ARHGEF10: variants seen among roughly 807,000 people sequenced by gnomAD.
ARHGEF10 encodes the protein Rho guanine nucleotide exchange factor (GEF) 10.
A neutral mutation model predicts 147.4 loss-of-function variants in ARHGEF10; 140 were observed. That is an observed-to-expected ratio of 0.95 (90% confidence interval 0.83 to 1.09). The LOEUF is 1.09. Ranked by LOEUF, ARHGEF10 falls within the 50% of genes least tolerant of loss-of-function variation. ARHGEF10 has a pLI of 0.00. For missense variants in ARHGEF10, 2,222 were observed against 1,752.7 expected (o/e 1.27, Z -4.78); for synonymous variants, 902 against 695.8 (o/e 1.30, Z -4.67).
intron 26 of ARHGEF10, among the ~76,000 whole-genome samples, chr8:1,939,268 C>T (rs1563315504): frequency 1.3e-5 from 2 of 152,258 alleles, no homozygotes; most frequent in Non-Finnish European, 2.9e-5. Flanking sequence ...AAGCCATGCC[C>T]AACATCAGTG....
chr8:1,860,540 C>T (rs1806043686), intron 4 of ARHGEF10, among the ~76,000 whole-genome samples: 2 of 152,084 alleles, frequency 1.3e-5, no homozygotes, highest in African/African-American at 4.8e-5. Flanking sequence ...CCACCCAGGT[C>T]ATTAGATGTT....
rs1245918133 is a variant in ARHGEF10 at position 1,889,247 on chromosome 8, G to T, written c.1182+3540G>T. Among the ~76,000 whole-genome samples, 4 of 116,348 alleles carry T rather than the reference G, an allele frequency of 3.4e-5. 1 individual carries two copies. Among genetic ancestry groups the T allele is most frequent in the Admixed American group, 8.3e-5 (1 of 12,084 alleles). The allele number at this position is 116,348 out of a possible 152,430, so 76.3% of individuals were successfully genotyped here. A position where few individuals can be genotyped will look rare whatever the true frequency, so the allele number is the denominator to read the frequency against. On this transcript the variant is annotated intron_variant, in intron 11 of 28. Coordinates refer to ENST00000349830, the MANE Select transcript of ARHGEF10 (RefSeq NM_014629.4). ...TGAGGGTTGTGAGGAGACATTGAGT[G>T]GGATGAGAGGTGTGAGGAGACACTG... is the stretch of plus-strand genomic sequence containing the variant.
At chr8:1,827,187 C>A (rs941024203) in intron 1 of ARHGEF10, among the ~76,000 whole-genome samples, 6 of 152,274 alleles carry the variant, frequency 3.9e-5, no homozygotes, top group Admixed American at 6.5e-5. Context: ...CGCTGATACA[C>A]ACACACTTCT....
intron 25 of ARHGEF10, among the ~76,000 whole-genome samples, chr8:1,930,232 A>G (rs945303285): frequency 4.6e-5 from 7 of 151,602 alleles, no homozygotes; most frequent in African/African-American, 1.7e-4. Context: ...CCTCACCGAA[A>G]GTTGCCCTGC....
intron 5 of ARHGEF10, among the ~76,000 whole-genome samples, chr8:1,865,326 C>G (rs778563737): frequency 2.9e-4 from 43 of 149,754 alleles, no homozygotes; most frequent in Admixed American, 6.0e-4. Flanking sequence ...GGGGCCGTCA[C>G]CAGGACACAG....
rs771776264 is a variant in ARHGEF10 at position 1,858,144 on chromosome 8, G to C, written c.193+29G>C. On this transcript the variant is annotated intron_variant, in intron 3 of 28. Coordinates refer to ENST00000349830, the MANE Select transcript of ARHGEF10 (RefSeq NM_014629.4). ...AGTTTCCAGGAGGGTCCCCAGGTGAGTCCCCAGGTGGGTCCCCAGGTGAGT... is the reference window on the plus strand; with the variant it reads ...AGTTTCCAGGAGGGTCCCCAGGTGACTCCCCAGGTGGGTCCCCAGGTGAGT... 4.4e-6 allele frequency: 7 copies of C among 1,582,440 alleles called. No individual in the cohort carries two copies. The South Asian group carries it at 6.7e-5, about 15-fold the overall frequency.
rs141729240 is a variant in ARHGEF10 at position 1,878,664 on chromosome 8, G to T, written c.844-1384G>T. Among the ~76,000 whole-genome samples the T allele has an allele frequency of 4.0e-3, 602 of 152,258 alleles. 7 individuals are homozygous for T. Among genetic ancestry groups the T allele is most frequent in the African/African-American group, 0.014 (579 of 41,558 alleles). On this transcript the variant is annotated intron_variant, in intron 8 of 28. Coordinates refer to ENST00000349830, the MANE Select transcript of ARHGEF10 (RefSeq NM_014629.4). Reference sequence around the variant, plus strand: ...CTCTTCAGTTTCGCCTTCATGGTGGGCTGTGGACAGAGGGGCCAGGCCACT... The same window carrying T: ...CTCTTCAGTTTCGCCTTCATGGTGGTCTGTGGACAGAGGGGCCAGGCCACT...
At chr8:1,889,975 A>G (rs1809318422) in intron 11 of ARHGEF10, among the ~76,000 whole-genome samples, 1 of 142,218 alleles carries the variant, frequency 7.0e-6, no homozygotes, top group African/African-American at 2.7e-5. Flanking sequence ...GTATGTGAGG[A>G]GACACTGAGT....
chr8:1,931,825 C>T (rs1813174125), intron 25 of ARHGEF10, among the ~76,000 whole-genome samples: 1 of 152,054 alleles, frequency 6.6e-6, no homozygotes, highest in Admixed American at 6.6e-5. Context: ...AGGGCTCTGG[C>T]CTGGGACACA....
chr8:1,902,185 C>G (rs1167786872), intron 15 of ARHGEF10, among the ~76,000 whole-genome samples: 1 of 152,058 alleles, frequency 6.6e-6, no homozygotes, highest in African/African-American at 2.4e-5. Context: ...GTGTGTGATG[C>G]GCCCCTCCCT....
intron 1 of ARHGEF10, among the ~76,000 whole-genome samples, chr8:1,837,379 A>G (rs1034665986): frequency 1.3e-5 from 2 of 152,258 alleles, no homozygotes; most frequent in African/African-American, 4.8e-5. Flanking sequence ...AGGGCCAGGC[A>G]TAGAAAGGAG....
chr8:1,861,472 T>C (rs1469245509), intron 4 of ARHGEF10, among the ~76,000 whole-genome samples: 1 of 152,248 alleles, frequency 6.6e-6, no homozygotes, highest in Non-Finnish European at 1.5e-5. Flanking sequence ...TGCCCAGATC[T>C]GTTTCTATGC....
chr8:1,850,164 A>G (rs1248742774), intron 2 of ARHGEF10, among the ~76,000 whole-genome samples: 3 of 143,620 alleles, frequency 2.1e-5, no homozygotes, highest in African/African-American at 7.6e-5. Context: ...CCACGTGGAC[A>G]CAGAGGGCAA....
chr8:1,956,968 T>C lies in ARHGEF10; in HGVS notation c.3740T>C (p.Leu1247Pro). 6.2e-7 allele frequency: 1 copy of C among 1,614,146 alleles called. No homozygotes were observed. The highest frequency in any genetic ancestry group is 2.2e-5 in the East Asian group (1 of 44,888). ...PDAAIWLGDS[L>P]GSMTQKSDLS... ...GCAGCCATCTGGTTGGGAGATTCGC[T>C]GGGATCGATGACTCAGAAAAGCGAC... Residue 1247 changes from leucine to proline, a missense_variant, in exon 29 of 29, where the codon CTG becomes CCG. Physicochemically the swap from Leu to Pro is moderately conservative, Grantham distance 98 (BLOSUM62 -3). Coordinates refer to ENST00000349830, the MANE Select transcript of ARHGEF10 (RefSeq NM_014629.4).
At chr8:1,956,434 G>A (rs1815570958) in intron 28 of ARHGEF10, among the ~76,000 whole-genome samples, 2 of 152,182 alleles carry the variant, frequency 1.3e-5, no homozygotes, top group Admixed American at 1.3e-4. Flanking sequence ...GGTATTTTAT[G>A]CAGAATGGAA....
chr8:1,853,888 A>G (rs1805343268), intron 2 of ARHGEF10, among the ~76,000 whole-genome samples: 2 of 152,174 alleles, frequency 1.3e-5, no homozygotes, highest in Non-Finnish European at 2.9e-5. Context: ...TCATGAGGAC[A>G]CTGCCACACT....
intron 27 of ARHGEF10, among the ~76,000 whole-genome samples, chr8:1,947,945 CCA>C: frequency 6.6e-6 from 1 of 151,942 alleles, no homozygotes; most frequent in Non-Finnish European, 1.5e-5. Context: ...AGTCCTGCAC[CCA>C]CCCAGAAACA....
At chr8:1,901,975 A>T (rs1016834073) in intron 15 of ARHGEF10, among the ~76,000 whole-genome samples, 4 of 109,862 alleles carry the variant, frequency 3.6e-5, no homozygotes, top group African/African-American at 1.3e-4. Context: ...GGTAGGCAAG[A>T]CGCAGAACCA....
Position 1,876,668 on chromosome 8 carries a change from GC to G in ARHGEF10, c.778del (p.Gln260ArgfsTer27). The G allele has an allele frequency of 6.2e-7, 1 of 1,614,240 alleles. No homozygotes were observed. The highest frequency in any genetic ancestry group is 8.5e-7 in the Non-Finnish European group (1 of 1,180,044). On this transcript the variant is annotated frameshift_variant, in exon 8 of 29. Coordinates refer to ENST00000349830, the MANE Select transcript of ARHGEF10 (RefSeq NM_014629.4). LOFTEE classifies it high-confidence loss of function. ...CGAGTGAATTTGAAAGTTACGAAGA[GC>G]AGAGTGACTCGGAGTGCAAGAATGG... ...SSSEFESYEE[Q>X]SDSECKNGIP...
Sources: gnomAD v4.1 joint callset for allele counts (sites outside exome capture counted in the v4.1 genomes callset) on GRCh38, gnomAD v4.1.1 for gene constraint, MANE v1.5 for transcripts, NCBI Gene and HGNC (gene_info 2026-07-23, HGNC 2026-07-21) for gene names.